PRRC2C: variants seen among roughly 807,000 people sequenced by gnomAD.
PRRC2C encodes the protein proline rich coiled-coil 2C, also known as protein PRRC2C.
In PRRC2C, 72 loss-of-function variants were observed where a neutral mutation model predicts 317.2. The observed-to-expected ratio is 0.23, with a 90% CI of 0.19 to 0.28. The LOEUF is 0.28. Among genes scored for constraint, PRRC2C ranks in the 10% least tolerant of loss-of-function variants. The pLI, the probability that PRRC2C is intolerant of heterozygous loss-of-function variation, is 1.00. For synonymous variants in PRRC2C, 1,296 were observed against 1,205.9 expected, an observed-to-expected ratio of 1.07 and a Z score of -1.55; for missense variants, 3,074 against 3,459.7, an observed-to-expected ratio of 0.89 and a Z score of 2.80.
chr1:171,540,590 G>A lies in PRRC2C; in HGVS notation c.3124G>A (p.Glu1042Lys), dbSNP rs778086980. The part of the protein sequence containing the change: ...QRKEKEGEKA[E>K]KVTEKVVVKP... The stretch of plus-strand genomic sequence containing the variant: ...GAAGGAGAAAGAAGGAGAAAAGGCC[G>A]AAAAGGTCACTGAAAAAGTAGTTGT... The change falls in exon 16 of 35, where the codon GAA becomes AAA. Residue 1042 changes from glutamate to lysine, a missense_variant. Glu to Lys is a moderately conservative substitution (Grantham distance 56). This residue lies in a region of PRRC2C where 1,320 missense variants were observed against 1,395.7 expected (regional missense o/e 0.95). Transcript: ENST00000647382. The A allele has an allele frequency of 4.3e-6, 7 of 1,613,840 alleles. No individual in the cohort carries two copies. Among genetic ancestry groups the A allele is most frequent in the Non-Finnish European group, 5.1e-6 (6 of 1,179,870 alleles).
At chr1:171,567,230 A>G (rs1683832487) in intron 22 of PRRC2C, among the ~76,000 whole-genome samples, 1 of 152,190 alleles carries the variant, frequency 6.6e-6, no homozygotes, top group Admixed American at 6.5e-5. Flanking sequence ...TAACTCCAGT[A>G]TAGCCAGTTT....
intron 13 of PRRC2C, 22 bp from the exon 14 acceptor site, chr1:171,536,007 A>T (rs367590569): frequency 1.2e-4 from 184 of 1,551,706 alleles, no homozygotes; most frequent in Non-Finnish European, 1.5e-4. Flanking sequence ...AACTCTCAAG[A>T]TATGGGATCT....
At chr1:171,492,918 A>G (rs1667440689) in intron 1 of PRRC2C, among the ~76,000 whole-genome samples, 1 of 151,782 alleles carries the variant, frequency 6.6e-6, no homozygotes, top group South Asian at 2.1e-4. Context: ...CACCTGGCTA[A>G]TCTTTGTATT....
rs1490482809 is a variant in PRRC2C, at chr1:171,532,920, C to T, written c.1832C>T (p.Pro611Leu). The change falls in exon 12 of 35, where the codon CCC (proline) becomes CTC (leucine). Residue 611 changes from proline (P) to leucine (L), a missense_variant. Transcript: ENST00000647382. ...GAACCCAGAGAACCTAATTTAGAGC[C>T]CATGGTAGAAAAACAAGAAAGTGAA... ...KIEPREPNLE[P>L]MVEKQESENS... is the part of the protein sequence containing the mutation. 1.3e-6 allele frequency: 2 copies of T among 1,565,356 alleles called. No individual in the cohort carries two copies. The highest frequency in any genetic ancestry group is 1.4e-5 in the African/African-American group (1 of 71,890).
At chr1:171,500,990 C>A (rs1313120946) in intron 1 of PRRC2C, among the ~76,000 whole-genome samples, 1 of 152,212 alleles carries the variant, frequency 6.6e-6, no homozygotes, top group Non-Finnish European at 1.5e-5. Flanking sequence ...CCTCGACTTC[C>A]TGTGCTCCAG....
rs142982470 is a variant in PRRC2C, at chr1:171,505,013, C to T, written c.-57-7019C>T. On this transcript the variant is annotated intron_variant, in intron 1 of 34. Coordinates refer to ENST00000647382, the MANE Select transcript of PRRC2C (RefSeq NM_001387844.1). ...TTACGTATCTTTTGTCAGATGTATC[C>T]CTAAGTATTTCAATTTTTTTTTTTT... Among the ~76,000 whole-genome samples the T allele has an allele frequency of 2.2e-3, 335 of 150,800 alleles. 1 individual carries two copies. The highest frequency in any genetic ancestry group is 7.9e-3 in the African/African-American group (325 of 41,152).
rs763954674 is a variant in PRRC2C at position 171,541,511 on chromosome 1, A to G, written c.4045A>G (p.Thr1349Ala). 4 of 1,613,656 alleles carry G rather than the reference A, an allele frequency of 2.5e-6. No individual in the cohort carries two copies. The highest frequency in any genetic ancestry group is 1.7e-5 in the Admixed American group (1 of 59,962). Reference protein sequence around the residue: ...GEPTRRGRGGTFRRGGRDPGG... With the variant: ...GEPTRRGRGGAFRRGGRDPGG... Reference sequence around the variant, plus strand: ...GCCTACAAGGAGAGGCAGAGGGGGAACATTCAGGCGTGGTGGAAGGGATCC... The same window carrying G: ...GCCTACAAGGAGAGGCAGAGGGGGAGCATTCAGGCGTGGTGGAAGGGATCC... The change falls in exon 16 of 35, where the codon ACA becomes GCA. Residue 1349 changes from threonine (T) to alanine (A), a missense_variant. Physicochemically the swap from Thr to Ala is moderately conservative, Grantham distance 58. Transcript: ENST00000647382. This position sits in a 1 kb window ranked among gnomAD's most constrained non-coding sequence, Gnocchi z 4.1.
chr1:171,586,918 A>G, intron 30 of PRRC2C, 85 bp from the exon 31 acceptor site: 1 of 1,034,276 alleles, frequency 9.7e-7, no homozygotes, highest in Non-Finnish European at 1.4e-6. Flanking sequence ...ACTCAAAAGT[A>G]TTTGAAGAGT....
intron 19 of PRRC2C, among the ~76,000 whole-genome samples, chr1:171,558,995 A>G (rs1682023067): frequency 6.6e-6 from 1 of 152,258 alleles, no homozygotes; most frequent in Non-Finnish European, 1.5e-5. Flanking sequence ...CAGACACAAC[A>G]TTCCCTTAAC....
intron 29 of PRRC2C, 116 bp downstream of exon 29, chr1:171,584,303 C>T (rs1352061962): frequency 7.4e-7 from 1 of 1,350,416 alleles, no homozygotes; most frequent in East Asian, 2.3e-5. Flanking sequence ...AAACAAAGTC[C>T]TTTCATTTAT....
intron 1 of PRRC2C, chr1:171,511,213 A>C: frequency 6.6e-6 from 1 of 152,014 alleles, no homozygotes; most frequent in East Asian, 1.9e-4. Context: ...AAACAAAAAC[A>C]ACCGTTAGGT....
intron 24 of PRRC2C, among the ~76,000 whole-genome samples, chr1:171,572,460 A>G (rs1001722997): frequency 4.6e-5 from 7 of 152,300 alleles, no homozygotes; most frequent in South Asian, 2.1e-4. Context: ...AGTGTGGCCA[A>G]TATTCATTTT....
chr1:171,509,102 G>C (rs541924238), intron 1 of PRRC2C, among the ~76,000 whole-genome samples: 1 of 152,090 alleles, frequency 6.6e-6, no homozygotes, highest in South Asian at 2.1e-4. Context: ...AGCCAGGATG[G>C]TCTCGATCTC....
intron 18 of PRRC2C, among the ~76,000 whole-genome samples, chr1:171,551,504 G>C (rs569986926): frequency 6.6e-6 from 1 of 152,254 alleles, no homozygotes; most frequent in South Asian, 2.1e-4. Flanking sequence ...TGTTGCCATT[G>C]CTTTTGGTAT....
intron 3 of PRRC2C, 41 bp from the exon 4 acceptor site, chr1:171,514,495 C>A: frequency 7.1e-7 from 1 of 1,405,982 alleles, no homozygotes; most frequent in Non-Finnish European, 9.8e-7. Flanking sequence ...TTTATTTAAA[C>A]ATACAGTATC....
Position 171,592,322 on chromosome 1 carries a change from CTG to C in PRRC2C, c.*476_*477del, listed in dbSNP as rs1651599826. ...CATTTGTAGGCTTGGAGGTAAAGAA[CTG>C]AAGATAACTGGTGCTGGATAGAGGA... On this transcript the variant is annotated 3_prime_UTR_variant, in exon 35 of 35. Coordinates refer to ENST00000647382, the MANE Select transcript of PRRC2C (RefSeq NM_001387844.1). 6.5e-6 allele frequency: 1 copy of C among 153,424 alleles called. No individual in the cohort carries two copies. The highest frequency in any genetic ancestry group is 1.4e-5 in the Non-Finnish European group (1 of 69,002). 9.5% of individuals were successfully genotyped at this position (153,424 alleles called of 1,614,324 possible).
Position 171,593,365 on chromosome 1 carries a change from T to A in PRRC2C, c.*1518T>A, listed in dbSNP as rs1651782766. The A allele has an allele frequency of 6.6e-6, 1 of 151,740 alleles. No homozygotes were observed. Among genetic ancestry groups the A allele is most frequent in the Admixed American group, 6.6e-5 (1 of 15,208 alleles). 9.4% of individuals were successfully genotyped at this position (151,740 alleles called of 1,614,324 possible). On this transcript the variant is annotated 3_prime_UTR_variant, in exon 35 of 35. Coordinates refer to ENST00000647382, the MANE Select transcript of PRRC2C (RefSeq NM_001387844.1). The stretch of plus-strand genomic sequence containing the variant: ...GGTTTACTGTGTTGAGTTGGCATTG[T>A]ACAGAAATTAACAGCCATATTGGTC...
At chr1:171,584,612 C>A in intron 30 of PRRC2C, 86 bp downstream of exon 30, 2 of 1,379,742 alleles carry the variant, frequency 1.4e-6, no homozygotes, top group South Asian at 1.5e-5. Context: ...TAAATTGAAC[C>A]AAGATGCAAG....
chr1:171,576,371 C>G (rs375176543), intron 25 of PRRC2C, among the ~76,000 whole-genome samples: 2 of 152,286 alleles, frequency 1.3e-5, no homozygotes, highest in East Asian at 1.9e-4. Context: ...CCCTTATTGC[C>G]TAGTCATCCT....
Sources: gnomAD v4.1 joint callset for allele counts (sites outside exome capture counted in the v4.1 genomes callset) on GRCh38, gnomAD v4.1.1 for gene constraint, gnomAD v4.1.1 regional missense constraint, Gnocchi (gnomAD v3.1) non-coding constraint, MANE v1.5 for transcripts, NCBI Gene and HGNC (gene_info 2026-07-23, HGNC 2026-07-21) for gene names.